The following PLEKHM3 variants were observed in gnomAD, a reference collection of about 807,000 sequenced individuals.
The protein encoded by PLEKHM3 is pleckstrin homology domain-containing family M member 3.
A neutral mutation model predicts 81.8 loss-of-function variants in PLEKHM3; 45 were observed. The ratio of observed to expected loss-of-function variants is 0.55; its 90% CI spans 0.43 to 0.71. PLEKHM3 has a LOEUF of 0.71. Ranked by LOEUF, PLEKHM3 falls within the 30% of genes least tolerant of loss-of-function variation. The pLI, the probability that PLEKHM3 is intolerant of heterozygous loss-of-function variation, is 0.00. For missense variants in PLEKHM3, 788 were observed against 924.3 expected (o/e 0.85, Z 1.91); for synonymous variants, 352 against 356.4 (o/e 0.99, Z 0.14).
chr2:207,987,595 A>T (rs1691771641), intron 2 of PLEKHM3, among the ~76,000 whole-genome samples: 1 of 152,152 alleles, frequency 6.6e-6, no homozygotes, highest in Non-Finnish European at 1.5e-5. Flanking sequence ...TGAGTTATGC[A>T]TTTGCCCTCT....
chr2:207,881,147 C>A (rs1035800235), intron 6 of PLEKHM3, among the ~76,000 whole-genome samples: 4 of 151,760 alleles, frequency 2.6e-5, no homozygotes, highest in Admixed American at 2.6e-4. Flanking sequence ...AAATTGGAAA[C>A]CTAAATACCC....
chr2:207,867,817 C>A (rs2105823598), intron 6 of PLEKHM3, among the ~76,000 whole-genome samples: 1 of 152,222 alleles, frequency 6.6e-6, no homozygotes, highest in African/African-American at 2.4e-5. Context: ...TTCACTCCCA[C>A]TTCCTAGCCA....
chr2:207,884,151 A>G (rs1219283336), intron 6 of PLEKHM3, among the ~76,000 whole-genome samples: 1 of 150,384 alleles, frequency 6.6e-6, no homozygotes, highest in Admixed American at 6.6e-5. Context: ...ACCCCCCAAA[A>G]AAAACCACTC....
chr2:207,939,051 C>A (rs1050680649), intron 4 of PLEKHM3, among the ~76,000 whole-genome samples: 11 of 152,160 alleles, frequency 7.2e-5, no homozygotes, highest in African/African-American at 2.7e-4. Flanking sequence ...GCAAGTGCCA[C>A]ACGCCTAAGC....
intron 7 of PLEKHM3, among the ~76,000 whole-genome samples, chr2:207,858,792 TTATTGCAA>T (rs2092450500): frequency 6.6e-6 from 1 of 152,248 alleles, no homozygotes; most frequent in Admixed American, 6.5e-5. Context: ...TTAAACTATT[TTATTGCAA>T]TATAATTCAC....
chr2:207,842,314 A>G (rs544069900), intron 7 of PLEKHM3, among the ~76,000 whole-genome samples: 66 of 152,352 alleles, frequency 4.3e-4, no homozygotes, highest in African/African-American at 1.5e-3. Flanking sequence ...CAGGTAGTTA[A>G]GAACTAATCC....
At chr2:207,955,826 A>T (rs1690487552) in intron 3 of PLEKHM3, among the ~76,000 whole-genome samples, 1 of 152,262 alleles carries the variant, frequency 6.6e-6, no homozygotes, top group South Asian at 2.1e-4. Context: ...CTCATCAATG[A>T]ATATAGCCTG....
At chr2:207,841,448 C>CAAAA (rs1206603074) in intron 7 of PLEKHM3, among the ~76,000 whole-genome samples, 12 of 21,484 alleles carry the variant, frequency 5.6e-4, no homozygotes, top group African/African-American at 1.3e-3. Context: ...GACTCCATCT[C>CAAAA]AAAAAAAAAA....
At chr2:207,947,654 T>G (rs201426736) in intron 3 of PLEKHM3, among the ~76,000 whole-genome samples, 30,314 of 152,092 alleles carry the variant, frequency 0.2, 3,568 homozygotes, top group Middle Eastern at 0.33. Flanking sequence ...CAAAGAGATC[T>G]CGCACTAAGC....
chr2:207,866,267 T>G (rs527974548), intron 6 of PLEKHM3, among the ~76,000 whole-genome samples: 1 of 152,120 alleles, frequency 6.6e-6, no homozygotes, highest in Non-Finnish European at 1.5e-5. Context: ...GCGATTCTCC[T>G]GCCTCAGCCT....
At chr2:207,898,255 C>T (rs1377415508) in intron 6 of PLEKHM3, among the ~76,000 whole-genome samples, 2 of 152,126 alleles carry the variant, frequency 1.3e-5, no homozygotes, top group Non-Finnish European at 1.5e-5. Context: ...TACAGATTTC[C>T]GGCTTCTCTT....
intron 6 of PLEKHM3, among the ~76,000 whole-genome samples, chr2:207,886,502 G>A (rs965723046): frequency 1.7e-4 from 26 of 152,098 alleles, no homozygotes; most frequent in African/African-American, 4.8e-4. Context: ...AGTCATTTAC[G>A]TTTAAAAGTT....
At chr2:207,956,248 C>T (rs1017566979) in intron 3 of PLEKHM3, among the ~76,000 whole-genome samples, 1 of 151,980 alleles carries the variant, frequency 6.6e-6, no homozygotes, top group African/African-American at 2.4e-5. Flanking sequence ...AGGCAGATCA[C>T]GAGGTCAGGA....
intron 6 of PLEKHM3, among the ~76,000 whole-genome samples, chr2:207,875,137 C>CA (rs1005767376): frequency 2.0e-5 from 3 of 150,290 alleles, no homozygotes; most frequent in Non-Finnish European, 3.0e-5. Flanking sequence ...ATGACAGAAA[C>CA]AAAAAAAAAT....
At chr2:207,851,490 C>G (rs951313355) in intron 7 of PLEKHM3, 2 of 152,196 alleles carry the variant, frequency 1.3e-5, no homozygotes, top group African/African-American at 4.8e-5. Context: ...AATCCCAGCA[C>G]TCTGGGAGGC....
chr2:207,831,697 A>G (rs1419503651), intron 7 of PLEKHM3, among the ~76,000 whole-genome samples: 1 of 152,124 alleles, frequency 6.6e-6, no homozygotes, highest in Non-Finnish European at 1.5e-5. Flanking sequence ...TATCCTGGAC[A>G]TGGCAGGGTC....
At chr2:207,938,735 G>A (rs1689842104) in intron 4 of PLEKHM3, among the ~76,000 whole-genome samples, 1 of 152,230 alleles carries the variant, frequency 6.6e-6, no homozygotes, top group Non-Finnish European at 1.5e-5. Context: ...TGACAAAGGA[G>A]ATTTTCCTCA....
chr2:207,839,170 G>A (rs2092335916), intron 7 of PLEKHM3, among the ~76,000 whole-genome samples: 1 of 152,094 alleles, frequency 6.6e-6, no homozygotes, highest in African/African-American at 2.4e-5. Context: ...GGACTCACTT[G>A]TATTTAACAC....
At chr2:207,848,117 G>A (rs1262377845) in intron 7 of PLEKHM3, among the ~76,000 whole-genome samples, 1 of 152,170 alleles carries the variant, frequency 6.6e-6, no homozygotes, top group Non-Finnish European at 1.5e-5. Context: ...GTTTGTGCAA[G>A]GACTCACAAA....
Sources: gnomAD v4.1 joint callset for allele counts (sites outside exome capture counted in the v4.1 genomes callset) on GRCh38, gnomAD v4.1.1 for gene constraint, MANE v1.5 for transcripts, NCBI Gene and HGNC (gene_info 2026-07-23, HGNC 2026-07-21) for gene names.